DPP10: variants seen among roughly 807,000 people sequenced by gnomAD.
DPP10 encodes inactive dipeptidyl peptidase 10.
In DPP10, 33 loss-of-function variants were observed where a neutral mutation model predicts 120.9. The observed-to-expected ratio is 0.27, with a 90% CI of 0.21 to 0.37. The LOEUF is 0.37. Among genes scored for constraint, DPP10 ranks in the 10% least tolerant of loss-of-function variants. The pLI is 1.00. For missense variants in DPP10, 816 were observed against 942.8 expected (o/e 0.87, Z 1.76); for synonymous variants, 337 against 326.1 (o/e 1.03, Z -0.36).
intron 3 of DPP10, among the ~76,000 whole-genome samples, chr2:115,416,729 C>G (rs947757711): frequency 6.6e-6 from 1 of 152,114 alleles, no homozygotes; most frequent in South Asian, 2.1e-4. Context: ...ACAAGCATTT[C>G]GCTGGTTCTG....
chr2:115,769,483 T>C (rs886756945), intron 13 of DPP10, among the ~76,000 whole-genome samples: 7 of 152,052 alleles, frequency 4.6e-5, no homozygotes, highest in Admixed American at 1.3e-4. Flanking sequence ...AAAATAGTTG[T>C]CATTGTTTTA....
intron 5 of DPP10, among the ~76,000 whole-genome samples, chr2:115,561,941 G>A (rs894717374): frequency 1.2e-4 from 18 of 152,060 alleles, no homozygotes; most frequent in African/African-American, 3.6e-4. Context: ...CTTTGAAGTC[G>A]TTTCTGAATA....
At chr2:115,119,237 A>C (rs2049696617) in intron 1 of DPP10, among the ~76,000 whole-genome samples, 1 of 152,108 alleles carries the variant, frequency 6.6e-6, no homozygotes, top group African/African-American at 2.4e-5. Context: ...AGTGTTCCAG[A>C]GAAAGGTCAT....
chr2:115,487,210 T>C (rs1386981525), intron 3 of DPP10, among the ~76,000 whole-genome samples: 1 of 140,838 alleles, frequency 7.1e-6, no homozygotes, highest in Non-Finnish European at 1.5e-5. Flanking sequence ...TACAAACCAC[T>C]GCTCAAGGAA....
intron 1 of DPP10, among the ~76,000 whole-genome samples, chr2:115,188,004 A>G (rs752707253): frequency 6.6e-6 from 1 of 151,950 alleles, no homozygotes; most frequent in African/African-American, 2.4e-5. Context: ...TGGGCAACAG[A>G]GTGAGACTAT....
At chr2:115,228,407 T>C (rs1260903985) in intron 1 of DPP10, among the ~76,000 whole-genome samples, 8 of 152,138 alleles carry the variant, frequency 5.3e-5, no homozygotes, top group Non-Finnish European at 1.2e-4. Flanking sequence ...GAATAGATTA[T>C]TGTTACTGTA....
rs565709669 is a variant in DPP10, at chr2:115,338,473, A to G, written c.176-5344A>G. 2.0e-5 allele frequency among the ~76,000 whole-genome samples: 3 copies of G among 152,204 alleles called. No homozygotes were observed. In the South Asian group the frequency reaches 6.2e-4, roughly 32 times the overall value. ...TTAATTTTTTTTAGTTTTAGGGATT[A>G]GGCCTCACTCTCTTGCCCAGGCTGG... On this transcript the variant is annotated intron_variant, in intron 2 of 25. Transcript: ENST00000410059.
chr2:114,771,611 C>T (rs1574149714), intron 1 of DPP10, among the ~76,000 whole-genome samples: 1 of 152,168 alleles, frequency 6.6e-6, no homozygotes, highest in African/African-American at 2.4e-5. Flanking sequence ...TGATAGCACC[C>T]ATAGGTGAAT....
At chr2:115,706,497 G>A (rs546095368) in intron 7 of DPP10, among the ~76,000 whole-genome samples, 38 of 151,988 alleles carry the variant, frequency 2.5e-4, no homozygotes, top group African/African-American at 8.4e-4. Context: ...TATACACAAT[G>A]TATACTTTAG....
intron 1 of DPP10, among the ~76,000 whole-genome samples, chr2:115,190,456 A>G (rs2054796292): frequency 6.6e-6 from 1 of 152,088 alleles, no homozygotes; most frequent in Non-Finnish European, 1.5e-5. Flanking sequence ...GTCCCCCGCA[A>G]TACCACCACA....
chr2:115,327,364 C>T (rs1287202800), intron 2 of DPP10, among the ~76,000 whole-genome samples: 2 of 152,010 alleles, frequency 1.3e-5, no homozygotes, highest in Non-Finnish European at 2.9e-5. Context: ...TGTTAAAAAT[C>T]ATGATGAATT....
chr2:114,806,869 C>G (rs886533035), intron 1 of DPP10, among the ~76,000 whole-genome samples: 3 of 152,110 alleles, frequency 2.0e-5, no homozygotes, highest in Non-Finnish European at 4.4e-5. Context: ...TCTAACCCAA[C>G]AGGAAATCCC....
chr2:115,470,114 A>G (rs992949594), intron 3 of DPP10, among the ~76,000 whole-genome samples: 1 of 152,170 alleles, frequency 6.6e-6, no homozygotes, highest in Non-Finnish European at 1.5e-5. Context: ...GTTACAACAA[A>G]CAATCAAAAT....
chr2:115,497,504 A>G (rs1455036009), intron 3 of DPP10, among the ~76,000 whole-genome samples: 1 of 152,048 alleles, frequency 6.6e-6, no homozygotes, highest in South Asian at 2.1e-4. Flanking sequence ...GTTTTGCTCT[A>G]TTTATCTCCA....
chr2:114,670,814 CTGT>C (rs1273754063), intron 1 of DPP10, among the ~76,000 whole-genome samples: 3 of 152,188 alleles, frequency 2.0e-5, no homozygotes, highest in East Asian at 1.9e-4. Context: ...TAATGCTTGT[CTGT>C]TGTTGTAAGC....
chr2:114,483,411 C>A (rs1395163645), intron 1 of DPP10, among the ~76,000 whole-genome samples: 1 of 151,868 alleles, frequency 6.6e-6, no homozygotes, highest in Non-Finnish European at 1.5e-5. Flanking sequence ...CCTGTTAAAA[C>A]AAGTACCATA....
chr2:115,112,772 A>G (rs949452086), intron 1 of DPP10, among the ~76,000 whole-genome samples: 5 of 152,158 alleles, frequency 3.3e-5, no homozygotes, highest in African/African-American at 1.2e-4. Flanking sequence ...TGTTCAAGAG[A>G]TCTACTGTAC....
chr2:115,100,606 C>T (rs2104616723), intron 1 of DPP10, among the ~76,000 whole-genome samples: 1 of 151,924 alleles, frequency 6.6e-6, no homozygotes, highest in Non-Finnish European at 1.5e-5. Context: ...ATCAATTGGT[C>T]TCTGTTATTG....
intron 1 of DPP10, among the ~76,000 whole-genome samples, chr2:114,915,056 G>A (rs1045450904): frequency 7.2e-5 from 11 of 152,144 alleles, no homozygotes; most frequent in African/African-American, 9.6e-5. Flanking sequence ...GCGTGAACCC[G>A]GGAGGCGGAG....
Sources: allele counts gnomAD v4.1 joint callset (sites outside exome capture counted in the v4.1 genomes callset), GRCh38; gene constraint gnomAD v4.1.1; transcripts MANE v1.5; gene names NCBI Gene and HGNC (gene_info 2026-07-23, HGNC 2026-07-21).